TMTC2: variants seen among roughly 807,000 people sequenced by gnomAD.
TMTC2 encodes the protein protein O-mannosyl-transferase TMTC2.
TMTC2 carries 43 observed loss-of-function variants against 82.4 expected under a neutral mutation model. The observed-to-expected ratio is 0.52, with a 90% CI of 0.41 to 0.67. The LOEUF is 0.67. Among genes scored for constraint, TMTC2 ranks in the 30% least tolerant of loss-of-function variants. TMTC2 has a pLI of 0.00. For synonymous variants in TMTC2, 408 were observed against 381.9 expected (o/e 1.07, Z -0.80); for missense variants, 919 against 1,012.4 (o/e 0.91, Z 1.25).
intron 1 of TMTC2, among the ~76,000 whole-genome samples, chr12:82,736,016 A>G (rs1875107986): frequency 1.3e-5 from 2 of 151,666 alleles, no homozygotes; most frequent in Non-Finnish European, 2.9e-5. Context: ...TATCTTGATT[A>G]ATGAGTTTTA....
chr12:82,859,089 C>T (rs1460151173), intron 2 of TMTC2, among the ~76,000 whole-genome samples: 19 of 140,230 alleles, frequency 1.4e-4, no homozygotes, highest in Non-Finnish European at 2.7e-4. Flanking sequence ...TTTTTTTTGA[C>T]GCGGAGTCTC....
rs115853262 is a variant in TMTC2, at chr12:82,947,265, A to G, written c.1598+16720A>G. ...AAAGACCAACTTTAGTGTTAGGTGCAAACCTGGGCTGCAAAGTGTGTACTC... is the reference window on the plus strand; with the variant it reads ...AAAGACCAACTTTAGTGTTAGGTGCGAACCTGGGCTGCAAAGTGTGTACTC... On this transcript the variant is annotated intron_variant, in intron 4 of 11. Transcript: ENST00000321196. Among the ~76,000 whole-genome samples, 1,306 of 152,344 alleles carry G rather than the reference A, an allele frequency of 8.6e-3. 20 individuals carry two copies. The highest frequency in any genetic ancestry group is 0.03 in the African/African-American group (1,238 of 41,582).
At chr12:83,056,801 G>A (rs1263411715) in intron 10 of TMTC2, among the ~76,000 whole-genome samples, 1 of 151,938 alleles carries the variant, frequency 6.6e-6, no homozygotes, top group Non-Finnish European at 1.5e-5. Flanking sequence ...GGACCATAGG[G>A]TCTTCAGAGC....
At chr12:82,780,883 G>C (rs929826504) in intron 1 of TMTC2, among the ~76,000 whole-genome samples, 1 of 151,866 alleles carries the variant, frequency 6.6e-6, no homozygotes, top group African/African-American at 2.4e-5. Context: ...GTGTGGTGTG[G>C]AAGAGGTTTT....
At chr12:83,016,531 T>C (rs770243063) in intron 8 of TMTC2, among the ~76,000 whole-genome samples, 18 of 152,214 alleles carry the variant, frequency 1.2e-4, no homozygotes, top group Non-Finnish European at 2.5e-4. Flanking sequence ...GTTGGCATGA[T>C]GTTACACCAT....
chr12:82,753,452 A>C (rs1565735439), intron 1 of TMTC2, among the ~76,000 whole-genome samples: 1 of 151,962 alleles, frequency 6.6e-6, no homozygotes, highest in Non-Finnish European at 1.5e-5. Flanking sequence ...TTTTAAAAGT[A>C]AATATAATGT....
intron 3 of TMTC2, among the ~76,000 whole-genome samples, chr12:82,917,799 T>G (rs1193099499): frequency 6.6e-6 from 1 of 152,170 alleles, no homozygotes; most frequent in Non-Finnish European, 1.5e-5. Context: ...AGACAGGGTT[T>G]CACCGTGTTA....
At chr12:83,112,633 G>A (rs867222288) in intron 11 of TMTC2, among the ~76,000 whole-genome samples, 3 of 152,098 alleles carry the variant, frequency 2.0e-5, no homozygotes, top group Non-Finnish European at 2.9e-5. Flanking sequence ...CATAAGATAC[G>A]TTATCTTAAG....
intron 8 of TMTC2, among the ~76,000 whole-genome samples, chr12:83,006,353 G>C (rs1880203742): frequency 6.6e-6 from 1 of 152,142 alleles, no homozygotes; most frequent in African/African-American, 2.4e-5. Flanking sequence ...CTTCCTGGGT[G>C]TGTCTACTTG....
intron 1 of TMTC2, among the ~76,000 whole-genome samples, chr12:82,803,678 G>T (rs944278979): frequency 6.6e-6 from 1 of 152,060 alleles, no homozygotes; most frequent in African/African-American, 2.4e-5. Context: ...TAAACACACT[G>T]TGCATGCTCA....
intron 8 of TMTC2, among the ~76,000 whole-genome samples, chr12:83,008,692 T>G (rs940560823): frequency 2.0e-5 from 3 of 152,238 alleles, no homozygotes; most frequent in Admixed American, 1.3e-4. Context: ...CCATGTCTCA[T>G]GTTTTTTTGA....
intron 8 of TMTC2, among the ~76,000 whole-genome samples, chr12:83,026,884 TAAGAA>T (rs1881206445): frequency 1.3e-5 from 2 of 152,246 alleles, no homozygotes; most frequent in South Asian, 4.1e-4. Context: ...CCAGTTTAGC[TAAGAA>T]AACAAAATCA....
intron 1 of TMTC2, among the ~76,000 whole-genome samples, chr12:82,786,362 A>G: frequency 6.6e-6 from 1 of 152,118 alleles, no homozygotes; most frequent in East Asian, 1.9e-4. Flanking sequence ...GAAAGGTATC[A>G]CAAGGTATAG....
intron 1 of TMTC2, among the ~76,000 whole-genome samples, chr12:82,842,330 TG>T (rs1382709865): frequency 1.3e-4 from 20 of 152,234 alleles, no homozygotes; most frequent in African/African-American, 4.8e-4. Flanking sequence ...AGTGCCTTGT[TG>T]TTGTATTGGC....
At chr12:83,116,837 T>C (rs1884780054) in intron 11 of TMTC2, among the ~76,000 whole-genome samples, 1 of 152,230 alleles carries the variant, frequency 6.6e-6, no homozygotes, top group African/African-American at 2.4e-5. Flanking sequence ...ATTGGTCCTC[T>C]GTCAGATGTA....
chr12:82,735,011 C>T (rs971607887), intron 1 of TMTC2, among the ~76,000 whole-genome samples: 2 of 152,156 alleles, frequency 1.3e-5, no homozygotes, highest in African/African-American at 2.4e-5. Context: ...GTCTGAGATT[C>T]ATTGCAGGTT....
intron 1 of TMTC2, among the ~76,000 whole-genome samples, chr12:82,846,681 G>T (rs544970082): frequency 1.3e-5 from 2 of 152,132 alleles, no homozygotes; most frequent in Non-Finnish European, 2.9e-5. Context: ...AGCATTCGTA[G>T]AATTTTCTCA....
chr12:82,813,193 C>G (rs1273150281), intron 1 of TMTC2, among the ~76,000 whole-genome samples: 1 of 152,082 alleles, frequency 6.6e-6, no homozygotes, highest in Non-Finnish European at 1.5e-5. Flanking sequence ...CTGGCAGATA[C>G]TATTTTCTAC....
intron 1 of TMTC2, among the ~76,000 whole-genome samples, chr12:82,799,586 C>T (rs1878898365): frequency 6.6e-6 from 1 of 152,114 alleles, no homozygotes; most frequent in African/African-American, 2.4e-5. Context: ...TTGGTTTCTT[C>T]TGAGAGCTGT....
Sources: gnomAD v4.1 joint callset for allele counts (sites outside exome capture counted in the v4.1 genomes callset) on GRCh38, gnomAD v4.1.1 for gene constraint, MANE v1.5 for transcripts, NCBI Gene and HGNC (gene_info 2026-07-23, HGNC 2026-07-21) for gene names.